The following COL23A1 variants were observed in gnomAD, a reference collection of about 807,000 sequenced individuals.
COL23A1 encodes collagen type XXIII alpha 1 chain, also known as collagen alpha-1(XXIII) chain.
A neutral mutation model predicts 99.3 loss-of-function variants in COL23A1; 97 were observed. The observed-to-expected ratio is 0.98, with a 90% confidence interval of 0.83 to 1.16. The LOEUF (loss-of-function observed/expected upper bound fraction) is 1.16, where lower values mean the gene tolerates loss of function less well. Among genes scored for constraint, COL23A1 ranks in the 50% most tolerant of loss-of-function variants. COL23A1 has a pLI of 0.00. For missense variants in COL23A1, 762 were observed against 757.4 expected (o/e 1.01, Z -0.07); for synonymous variants, 320 against 308.2 (o/e 1.04, Z -0.40).
In COL23A1 at chr5:178,428,165, A is replaced by G. The variant is rs975547180; in HGVS notation, c.362-121246T>C. Reference sequence around the variant, plus strand: ...CTGGCTCAGATATCACAGGGAAAAGAGAACGAGGAATCCAAAGTCCTGAGC... The same window carrying G: ...CTGGCTCAGATATCACAGGGAAAAGGGAACGAGGAATCCAAAGTCCTGAGC... On this transcript the variant is annotated intron_variant, in intron 2 of 28. Coordinates refer to ENST00000390654, the MANE Select transcript of COL23A1 (RefSeq NM_173465.4). This position sits in a 1 kb window ranked among gnomAD's most constrained non-coding sequence, Gnocchi z 5.0. 2.6e-5 allele frequency among the ~76,000 whole-genome samples: 4 copies of G among 152,214 alleles called. No homozygotes were observed. The highest frequency in any genetic ancestry group is 9.6e-5 in the African/African-American group (4 of 41,460).
chr5:178,257,031 C>A, intron 13 of COL23A1, 103 bp from the exon 14 acceptor site: 1 of 1,006,222 alleles, frequency 9.9e-7, no homozygotes, highest in Non-Finnish European at 1.5e-6. Flanking sequence ...CGCGATTAGG[C>A]CTCCTGGCAA....
In COL23A1 at chr5:178,302,190, T is replaced by C. The variant is rs185305652; in HGVS notation, c.406+4685A>G. On this transcript the variant is annotated intron_variant, in intron 3 of 28. Coordinates refer to ENST00000390654, the MANE Select transcript of COL23A1 (RefSeq NM_173465.4). ...AGCTTCAATGCTGCACCTCTGTGTGTGCTGGAGCACAGCTTCAATCCACCT... is the reference window on the plus strand; with the variant it reads ...AGCTTCAATGCTGCACCTCTGTGTGCGCTGGAGCACAGCTTCAATCCACCT... Among the ~76,000 whole-genome samples, 16 of 38,364 alleles carry C rather than the reference T, an allele frequency of 4.2e-4. 4 individuals are homozygous for C. Among genetic ancestry groups the C allele is most frequent in the South Asian group, 1.1e-3 (2 of 1,798 alleles). The allele number at this position is 38,364 out of a possible 152,430, so 25.2% of individuals were successfully genotyped here.
At chr5:178,454,347 C>T (rs550512970) in intron 2 of COL23A1, among the ~76,000 whole-genome samples, 1 of 152,306 alleles carries the variant, frequency 6.6e-6, no homozygotes, top group Non-Finnish European at 1.5e-5. Context: ...CAAATGGTCA[C>T]TTTCTCTATG....
In COL23A1 at chr5:178,505,818, G is replaced by A. The variant is rs539450588; in HGVS notation, c.361+54864C>T. On this transcript the variant is annotated intron_variant, in intron 2 of 28. Transcript: ENST00000390654. ...GCATCCAGAATGGGCCCAGAGCCAC[G>A]GACAGGGTGTCCAATCATTGGAACT... 7.9e-5 allele frequency among the ~76,000 whole-genome samples: 12 copies of A among 152,268 alleles called. No homozygotes were observed. The South Asian group carries it at 1.0e-3, about 13-fold the overall frequency.
At chr5:178,460,611 A>G (rs1756067017) in intron 2 of COL23A1, among the ~76,000 whole-genome samples, 1 of 152,210 alleles carries the variant, frequency 6.6e-6, no homozygotes, top group African/African-American at 2.4e-5. Context: ...ACTGTTGAGC[A>G]GCCTCGGCTT....
chr5:178,315,440 TA>T (rs1482526672), intron 2 of COL23A1, among the ~76,000 whole-genome samples: 2 of 152,134 alleles, frequency 1.3e-5, no homozygotes, highest in African/African-American at 4.8e-5. Flanking sequence ...CATTTACAGA[TA>T]AAAACCCTGA....
At chr5:178,256,514 C>G (rs1171952143) in intron 14 of COL23A1, 117 bp from the exon 15 acceptor site, 2 of 927,272 alleles carry the variant, frequency 2.2e-6, no homozygotes, top group African/African-American at 3.3e-5. Context: ...TGCTGGAACC[C>G]TAATAGCCAA....
chr5:178,557,542 G>T (rs1383843723), intron 2 of COL23A1, among the ~76,000 whole-genome samples: 2 of 152,152 alleles, frequency 1.3e-5, no homozygotes, highest in Non-Finnish European at 2.9e-5. Context: ...GCAATGGGTG[G>T]CACATCCAGA....
intron 2 of COL23A1, among the ~76,000 whole-genome samples, chr5:178,463,549 C>T (rs1472399969): frequency 3.3e-5 from 5 of 152,134 alleles, no homozygotes; most frequent in Admixed American, 2.0e-4. Flanking sequence ...CTTTGGAAAC[C>T]GCCACTGGGA....
intron 1 of COL23A1, among the ~76,000 whole-genome samples, chr5:178,561,488 A>T (rs1055923000): frequency 6.6e-6 from 1 of 152,124 alleles, no homozygotes; most frequent in African/African-American, 2.4e-5. Flanking sequence ...GCCCGATGGA[A>T]CCCTATGGGC....
intron 2 of COL23A1, among the ~76,000 whole-genome samples, chr5:178,445,780 G>A (rs1012194185): frequency 6.6e-6 from 1 of 151,772 alleles, no homozygotes; most frequent in Admixed American, 6.6e-5. Flanking sequence ...TGACACCAAA[G>A]ACAGATGCCA....
At chr5:178,323,472 G>T (rs890430077) in intron 2 of COL23A1, among the ~76,000 whole-genome samples, 1 of 152,156 alleles carries the variant, frequency 6.6e-6, no homozygotes, top group Non-Finnish European at 1.5e-5. Context: ...GACACAAGCA[G>T]TCCCTTTCAT....
chr5:178,455,245 G>A (rs982875079), intron 2 of COL23A1, among the ~76,000 whole-genome samples: 2 of 152,228 alleles, frequency 1.3e-5, no homozygotes, highest in African/African-American at 4.8e-5. Context: ...CGATGAAGGC[G>A]TGAAAAGTCA....
intron 1 of COL23A1, among the ~76,000 whole-genome samples, chr5:178,565,006 G>A (rs1210795120): frequency 1.3e-5 from 2 of 152,184 alleles, no homozygotes; most frequent in Non-Finnish European, 1.5e-5. Flanking sequence ...CAGTGGGAAT[G>A]GTTTAGTGAA....
chr5:178,250,235 A>C (rs748892586), intron 17 of COL23A1, 130 bp from the exon 18 acceptor site: 207 of 920,742 alleles, frequency 2.2e-4, no homozygotes, highest in Non-Finnish European at 6.8e-5. Flanking sequence ...TAGCTGTGCC[A>C]GGACCCACCG....
rs1759243796 is a variant in COL23A1, at chr5:178,512,207, C to T, written c.361+48475G>A. 5.3e-5 allele frequency among the ~76,000 whole-genome samples: 8 copies of T among 152,344 alleles called. No individual in the cohort carries two copies. The South Asian group carries it at 1.7e-3, about 32-fold the overall frequency. On this transcript the variant is annotated intron_variant, in intron 2 of 28. Coordinates refer to ENST00000390654, the MANE Select transcript of COL23A1 (RefSeq NM_173465.4). ...CTGGTTAAACGCATTTTGGCACACT[C>T]TTTCAATGGTCTCTTAGCATTAGTG...
chr5:178,430,478 G>C (rs11959914), intron 2 of COL23A1, among the ~76,000 whole-genome samples: 2 of 152,136 alleles, frequency 1.3e-5, no homozygotes, highest in Middle Eastern at 6.8e-3. Context: ...TTCTGTGCTC[G>C]TGAGAGGCGA....
At chr5:178,432,353 T>C (rs1211973837) in intron 2 of COL23A1, among the ~76,000 whole-genome samples, 1 of 152,216 alleles carries the variant, frequency 6.6e-6, no homozygotes, top group African/African-American at 2.4e-5. Context: ...ACATTTTAAA[T>C]GACCCACAGG....
chr5:178,309,226 C>T lies in COL23A1; in HGVS notation c.362-2307G>A, dbSNP rs1046888015. Among the ~76,000 whole-genome samples, 6 of 152,196 alleles carry T rather than the reference C, an allele frequency of 3.9e-5. No homozygotes were observed. Among genetic ancestry groups the T allele is most frequent in the African/African-American group, 1.4e-4 (6 of 41,454 alleles). Reference sequence around the variant, plus strand: ...CTGAACTAACGGATTTGTCTGGTGGCTCTCCTGGGTGGCATGGTTAGGCAG... The same window carrying T: ...CTGAACTAACGGATTTGTCTGGTGGTTCTCCTGGGTGGCATGGTTAGGCAG... On this transcript the variant is annotated intron_variant, in intron 2 of 28. Coordinates refer to ENST00000390654, the MANE Select transcript of COL23A1 (RefSeq NM_173465.4). This position sits in a 1 kb window ranked among gnomAD's most constrained non-coding sequence, Gnocchi z 4.7.
Sources: gnomAD v4.1 joint callset for allele counts (sites outside exome capture counted in the v4.1 genomes callset) on GRCh38, gnomAD v4.1.1 for gene constraint, Gnocchi (gnomAD v3.1) non-coding constraint, MANE v1.5 for transcripts, NCBI Gene and HGNC (gene_info 2026-07-23, HGNC 2026-07-21) for gene names.